C4orf50: variants seen among roughly 807,000 people sequenced by gnomAD.
The protein encoded by C4orf50 is uncharacterized protein C4orf50.
A neutral mutation model predicts 77.2 loss-of-function variants in C4orf50; 80 were observed. That is an observed-to-expected ratio of 1.04 (90% CI 0.87 to 1.25). The LOEUF is 1.25. Among genes scored for constraint, C4orf50 ranks in the 50% most tolerant of loss-of-function variants. The probability of loss-of-function intolerance (pLI) is 0.00; values close to 1 mark genes in which losing one functional copy is unlikely to be tolerated. For missense variants in C4orf50, 1,257 were observed against 1,152.9 expected (o/e 1.09, Z -1.31); for synonymous variants, 532 against 465.3 (o/e 1.14, Z -1.84).
intron 7 of C4orf50, among the ~76,000 whole-genome samples, chr4:5,933,373 A>C (rs1024049680): frequency 1.5e-4 from 23 of 152,162 alleles, no homozygotes; most frequent in African/African-American, 5.6e-4. Flanking sequence ...GAACTTTGGG[A>C]TGGGGATTTT....
downstream of C4orf50, among the ~76,000 whole-genome samples, chr4:5,953,245 C>T (rs1244626077): frequency 6.6e-6 from 1 of 152,166 alleles, no homozygotes; most frequent in Non-Finnish European, 1.5e-5. Flanking sequence ...TCAGCCGAAC[C>T]CTAGCCAAGC....
chr4:5,948,796 A>G (rs1718595979), intron 7 of C4orf50, among the ~76,000 whole-genome samples: 2 of 149,800 alleles, frequency 1.3e-5, no homozygotes, highest in African/African-American at 4.9e-5. Flanking sequence ...CCATCTCCAA[A>G]AAAAAAAAAA....
intron 28 of C4orf50, among the ~76,000 whole-genome samples, chr4:5,980,980 T>C (rs975541924): frequency 3.9e-5 from 6 of 152,192 alleles, no homozygotes; most frequent in African/African-American, 1.4e-4. Context: ...GGGAACAGGC[T>C]GGCTTTGCAT....
At chr4:5,962,013 G>C (rs540500697) in intron 33 of C4orf50, among the ~76,000 whole-genome samples, 1 of 152,332 alleles carries the variant, frequency 6.6e-6, no homozygotes, top group South Asian at 2.1e-4. Flanking sequence ...CTTGCTGTCT[G>C]TTTTTGCCCA....
intron 7 of C4orf50, among the ~76,000 whole-genome samples, chr4:5,938,951 A>G (rs182413842): frequency 6.6e-6 from 1 of 152,226 alleles, no homozygotes; most frequent in East Asian, 1.9e-4. Flanking sequence ...GATTTATGAA[A>G]GAAATGGGGG....
chr4:5,918,381 A>G (rs1399047086), intron 7 of C4orf50, among the ~76,000 whole-genome samples: 1 of 152,222 alleles, frequency 6.6e-6, no homozygotes, highest in African/African-American at 2.4e-5. Context: ...AAACCTGGGT[A>G]ATTTCACTTC....
At chr4:5,975,341 T>C (rs945359014) in intron 30 of C4orf50, among the ~76,000 whole-genome samples, 2 of 151,928 alleles carry the variant, frequency 1.3e-5, no homozygotes, top group Non-Finnish European at 2.9e-5. Flanking sequence ...ACCCACCTCC[T>C]AGGTCACCCC....
intron 23 of C4orf50, among the ~76,000 whole-genome samples, chr4:6,012,536 G>GA (rs1722532320): frequency 6.6e-6 from 1 of 152,106 alleles, no homozygotes; most frequent in Non-Finnish European, 1.5e-5. Context: ...TTCTGCAACT[G>GA]AAAAAAATTA....
intron 29 of C4orf50, among the ~76,000 whole-genome samples, chr4:5,977,052 A>C (rs1337325629): frequency 2.0e-5 from 3 of 152,166 alleles, no homozygotes; most frequent in Admixed American, 6.5e-5. Context: ...ACCGTGAGAC[A>C]TGACAGAAAA....
intron 25 of C4orf50, among the ~76,000 whole-genome samples, chr4:6,004,601 G>A: frequency 9.2e-5 from 1 of 10,904 alleles, no homozygotes; most frequent in Non-Finnish European, 2.2e-4. Flanking sequence ...TGATGGTGAT[G>A]GTGATGATGT....
rs1721763763 is a variant in C4orf50 at position 6,000,050 on chromosome 4, C to T, written c.964-5574G>A. On this transcript the variant is annotated intron_variant, in intron 25 of 33. Transcript: ENST00000531445. This position sits in a 1 kb window ranked among gnomAD's most constrained non-coding sequence, Gnocchi z 6.0. ...TTGAACTTGATCCTGAGGCCGTGGG[C>T]AGCCATGGTGGGGTGCTTATGGAGG... Among the ~76,000 whole-genome samples, 1 of 152,128 alleles carries T rather than the reference C, an allele frequency of 6.6e-6. No homozygotes were observed. Among genetic ancestry groups the T allele is most frequent in the South Asian group, 2.1e-4 (1 of 4,820 alleles).
At chr4:5,994,086 G>A (rs1054047210) in intron 26 of C4orf50, among the ~76,000 whole-genome samples, 3 of 152,126 alleles carry the variant, frequency 2.0e-5, no homozygotes, top group Admixed American at 6.5e-5. Flanking sequence ...GCACCCTCCC[G>A]AGGGCCAAGG....
rs948084380 is a variant in C4orf50, at chr4:5,970,903, G to T, written c.4104+2756C>A. 6.6e-6 allele frequency among the ~76,000 whole-genome samples: 1 copy of T among 152,180 alleles called. No individual in the cohort carries two copies. Among genetic ancestry groups the T allele is most frequent in the Non-Finnish European group, 1.5e-5 (1 of 68,032 alleles). ...AAGCAGATCCATGGAGAGCGTGCGA[G>T]GGGGAGGGCAGCATGAGTCTTGGCC... On this transcript the variant is annotated intron_variant, in intron 31 of 33. Coordinates refer to ENST00000531445, the Ensembl canonical transcript of C4orf50. This position sits in a 1 kb window ranked among gnomAD's most constrained non-coding sequence, Gnocchi z 4.3.
In C4orf50 at chr4:6,007,907, G is replaced by A. The variant is rs1164999816; in HGVS notation, c.963+89C>T. The stretch of plus-strand genomic sequence containing the variant: ...AACGGCTGTAGGAAGAGGAGCCCGG[G>A]GAATGGATGGGCCAATGACTTCACC... On this transcript the variant is annotated intron_variant, in intron 25 of 33. Transcript: ENST00000531445. This position sits in a 1 kb window ranked among gnomAD's most constrained non-coding sequence, Gnocchi z 4.1. 1 of 398,788 alleles carries A rather than the reference G, an allele frequency of 2.5e-6. No individual in the cohort carries two copies. Among genetic ancestry groups the A allele is most frequent in the Non-Finnish European group, 4.4e-6 (1 of 226,254 alleles). 24.7% of individuals were successfully genotyped at this position (398,788 alleles called of 1,614,324 possible). A position where few individuals can be genotyped will look rare whatever the true frequency, so the allele number is the denominator to read the frequency against.
chr4:5,926,413 G>T (rs574582034), intron 7 of C4orf50, among the ~76,000 whole-genome samples: 3 of 152,180 alleles, frequency 2.0e-5, no homozygotes, highest in South Asian at 4.1e-4. Context: ...AAAGTGGACC[G>T]CCGGATGTCA....
chr4:5,946,326 C>A (rs13146596), intron 7 of C4orf50, among the ~76,000 whole-genome samples: 34,851 of 152,170 alleles, frequency 0.23, 4,942 homozygotes, highest in Admixed American at 0.37. Context: ...TTCACAAACC[C>A]AAAACCCCTA....
intron 7 of C4orf50, among the ~76,000 whole-genome samples, chr4:5,920,043 T>G (rs1208200645): frequency 6.6e-6 from 1 of 152,206 alleles, no homozygotes; most frequent in East Asian, 1.9e-4. Context: ...TTATAAGTAT[T>G]TTAAGTAATA....
intron 31 of C4orf50, among the ~76,000 whole-genome samples, chr4:5,968,462 C>G (rs923134292): frequency 6.6e-6 from 1 of 152,170 alleles, no homozygotes; most frequent in Non-Finnish European, 1.5e-5. Flanking sequence ...GGCTTCGGTA[C>G]CAGGCACAAT....
intron 7 of C4orf50, among the ~76,000 whole-genome samples, chr4:5,915,990 T>C (rs546369998): frequency 3.3e-5 from 5 of 152,280 alleles, no homozygotes; most frequent in African/African-American, 1.2e-4. Context: ...ATTTGGCTGC[T>C]TGTGAAAGGA....
Sources: allele counts gnomAD v4.1 joint callset (sites outside exome capture counted in the v4.1 genomes callset), GRCh38; gene constraint gnomAD v4.1.1; non-coding constraint Gnocchi (gnomAD v3.1); transcripts MANE v1.5; gene names NCBI Gene and HGNC (gene_info 2026-07-23, HGNC 2026-07-21).